The following GRIK1 variants were observed in gnomAD, a reference collection of about 807,000 sequenced individuals.
GRIK1 encodes the protein glutamate ionotropic receptor kainate type subunit 1.
GRIK1 carries 69 observed loss-of-function variants against 105.7 expected under a neutral mutation model. The ratio of observed to expected loss-of-function variants is 0.65; its 90% CI spans 0.54 to 0.80. GRIK1 has a LOEUF of 0.80. Ranked by LOEUF, GRIK1 falls within the 30% of genes least tolerant of loss-of-function variation. GRIK1 has a pLI of 0.00. For synonymous variants in GRIK1, 438 were observed against 431.3 expected (o/e 1.02, Z -0.19); for missense variants, 1,109 against 1,167.3 (o/e 0.95, Z 0.73).
At chr21:29,600,115 T>G (rs2061492309) in intron 7 of GRIK1, among the ~76,000 whole-genome samples, 1 of 152,114 alleles carries the variant, frequency 6.6e-6, no homozygotes, top group Non-Finnish European at 1.5e-5. Flanking sequence ...AAACTCCTTC[T>G]GCTTCTGTCT....
intron 16 of GRIK1, among the ~76,000 whole-genome samples, chr21:29,540,671 T>A (rs2832389): frequency 0.75 from 114,064 of 152,092 alleles, 42,915 homozygotes; most frequent in Admixed American, 0.82. Context: ...CCAAAATGAC[T>A]GTAGCTTTCT....
At chr21:29,837,540 G>T (rs1224545325) in intron 1 of GRIK1, among the ~76,000 whole-genome samples, 2 of 152,042 alleles carry the variant, frequency 1.3e-5, no homozygotes, top group African/African-American at 2.4e-5. Context: ...AACCACCAAT[G>T]GGGGGGAATG....
chr21:29,762,268 A>G (rs943588050), intron 1 of GRIK1, among the ~76,000 whole-genome samples: 3 of 152,238 alleles, frequency 2.0e-5, no homozygotes, highest in African/African-American at 7.2e-5. Flanking sequence ...AGGCATCATC[A>G]TCGTAAGGTG....
chr21:29,818,705 T>G (rs1434884766), intron 1 of GRIK1, among the ~76,000 whole-genome samples: 1 of 152,086 alleles, frequency 6.6e-6, no homozygotes, highest in African/African-American at 2.4e-5. Context: ...GTAATACCAC[T>G]GGCACACACA....
intron 4 of GRIK1, among the ~76,000 whole-genome samples, chr21:29,664,232 A>G (rs908958697): frequency 6.6e-6 from 1 of 152,186 alleles, no homozygotes; most frequent in Admixed American, 6.5e-5. Flanking sequence ...GGAATCTTGG[A>G]AATCATTGTT....
At chr21:29,902,194 T>C (rs1029135680) in intron 1 of GRIK1, among the ~76,000 whole-genome samples, 1 of 152,208 alleles carries the variant, frequency 6.6e-6, no homozygotes, top group Non-Finnish European at 1.5e-5. Context: ...AATGTCATAC[T>C]GAATGGGCAA....
chr21:29,848,767 ATATATATATATATT>A (rs2068208756), intron 1 of GRIK1, among the ~76,000 whole-genome samples: 1 of 93,464 alleles, frequency 1.1e-5, no homozygotes, highest in African/African-American at 6.0e-5. Flanking sequence ...ATATATATAT[ATATATATATATATT>A]TTTTTTTTTT....
At chr21:29,717,576 G>T (rs1297432685) in intron 1 of GRIK1, among the ~76,000 whole-genome samples, 1 of 152,260 alleles carries the variant, frequency 6.6e-6, no homozygotes, top group Non-Finnish European at 1.5e-5. Context: ...CTTGCTTGGG[G>T]CCTGTGGCCC....
At chr21:29,741,736 C>CAA (rs962665090) in intron 1 of GRIK1, among the ~76,000 whole-genome samples, 3 of 152,138 alleles carry the variant, frequency 2.0e-5, no homozygotes, top group African/African-American at 7.2e-5. Context: ...ATTAAACTGC[C>CAA]ATATTTTAAG....
At chr21:29,883,927 C>G (rs1243333507) in intron 1 of GRIK1, among the ~76,000 whole-genome samples, 2 of 151,950 alleles carry the variant, frequency 1.3e-5, no homozygotes, top group Non-Finnish European at 2.9e-5. Context: ...CAGGCTTCAA[C>G]AGGTTTCCTT....
At chr21:29,848,779 A>ATATATATATATTTTT in intron 1 of GRIK1, among the ~76,000 whole-genome samples, 1 of 77,866 alleles carries the variant, frequency 1.3e-5, no homozygotes, top group East Asian at 3.8e-4. Flanking sequence ...ATATATATAT[A>ATATATATATATTTTT]TTTTTTTTTT....
rs767689538 is a variant in GRIK1, at chr21:29,694,110, A to G, written c.119-47T>C. 36 of 991,792 alleles carry G rather than the reference A, an allele frequency of 3.6e-5. No homozygotes were observed. The East Asian group carries it at 9.1e-4, about 25-fold the overall frequency. 61.4% of individuals were successfully genotyped at this position (991,792 alleles called of 1,614,324 possible). ...ATGAGAAGCGTTAGTCACATGGTTC[A>G]CATGTAATTTTTTTTTTTTTTTTTT... On this transcript the variant is annotated intron_variant, in intron 1 of 17. Transcript: ENST00000327783.
intron 1 of GRIK1, among the ~76,000 whole-genome samples, chr21:29,799,203 T>C (rs775888474): frequency 6.6e-6 from 1 of 152,228 alleles, no homozygotes; most frequent in Non-Finnish European, 1.5e-5. Flanking sequence ...CAAAGCATTA[T>C]ATTTAAAAAT....
intron 1 of GRIK1, among the ~76,000 whole-genome samples, chr21:29,764,547 C>T (rs765921347): frequency 1.1e-4 from 16 of 152,162 alleles, no homozygotes; most frequent in Non-Finnish European, 2.2e-4. Flanking sequence ...AAAGGAAACA[C>T]CACTAACAAA....
At chr21:29,715,409 A>G (rs2064155396) in intron 1 of GRIK1, among the ~76,000 whole-genome samples, 2 of 152,166 alleles carry the variant, frequency 1.3e-5, no homozygotes, top group African/African-American at 4.8e-5. Flanking sequence ...GCAAGGAGGC[A>G]TTTACCTTGG....
intron 1 of GRIK1, among the ~76,000 whole-genome samples, chr21:29,934,776 A>T (rs1297748541): frequency 6.6e-6 from 1 of 152,194 alleles, no homozygotes; most frequent in Non-Finnish European, 1.5e-5. Context: ...CAGAGATCAC[A>T]AACCTTACAA....
intron 1 of GRIK1, among the ~76,000 whole-genome samples, chr21:29,924,060 CCGGGCG>C (rs1471007860): frequency 2.6e-5 from 4 of 152,038 alleles, no homozygotes; most frequent in African/African-American, 9.7e-5. Context: ...AAGGTTAAGG[CCGGGCG>C]CGGTGGCTCA....
intron 1 of GRIK1, among the ~76,000 whole-genome samples, chr21:29,739,077 T>C (rs2064864746): frequency 6.6e-6 from 1 of 152,228 alleles, no homozygotes; most frequent in South Asian, 2.1e-4. Flanking sequence ...ACCTAGTTGC[T>C]GCCTTCATGA....
chr21:29,589,103 C>A (rs1205745373), intron 10 of GRIK1, 61 bp from the exon 11 acceptor site: 4 of 907,974 alleles, frequency 4.4e-6, no homozygotes, highest in Non-Finnish European at 7.0e-6. Context: ...TTTACCCTAT[C>A]AGCAGCTTGA....
Sources: allele counts gnomAD v4.1 joint callset (sites outside exome capture counted in the v4.1 genomes callset), GRCh38; gene constraint gnomAD v4.1.1; transcripts MANE v1.5; gene names NCBI Gene and HGNC (gene_info 2026-07-23, HGNC 2026-07-21).